RIPOR2: variants seen among roughly 807,000 people sequenced by gnomAD.
The protein encoded by RIPOR2 is RHO family interacting cell polarization regulator 2.
RIPOR2 carries 39 observed loss-of-function variants against 114.5 expected under a neutral mutation model. That is an observed-to-expected ratio of 0.34 (90% CI 0.26 to 0.44). RIPOR2 has a LOEUF of 0.44. Among genes scored for constraint, RIPOR2 ranks in the 20% least tolerant of loss-of-function variants. RIPOR2 has a pLI of 1.00. For missense variants in RIPOR2, 1,007 were observed against 1,255.1 expected (o/e 0.80, Z 2.99); for synonymous variants, 445 against 484.4 (o/e 0.92, Z 1.07).
intron 1 of RIPOR2, among the ~76,000 whole-genome samples, chr6:24,995,248 T>C (rs1774996227): frequency 6.6e-6 from 1 of 152,180 alleles, no homozygotes; most frequent in African/African-American, 2.4e-5. Flanking sequence ...ACAGAGACTT[T>C]TCCTGGGGTG....
intron 19 of RIPOR2, among the ~76,000 whole-genome samples, chr6:24,823,956 C>T (rs188012846): frequency 1.2e-3 from 184 of 152,224 alleles, no homozygotes; most frequent in Non-Finnish European, 1.5e-3. Context: ...AGGGTTTCCC[C>T]ATGTTGGCCA....
intron 11 of RIPOR2, 132 bp downstream of exon 11, chr6:24,849,670 T>G: frequency 1.2e-6 from 1 of 805,542 alleles, no homozygotes; most frequent in East Asian, 2.5e-5. Flanking sequence ...ACAGTAGTCC[T>G]GGGGTGGGGC....
chr6:24,918,862 A>T (rs1198867570), intron 1 of RIPOR2, among the ~76,000 whole-genome samples: 1 of 152,156 alleles, frequency 6.6e-6, no homozygotes, highest in Non-Finnish European at 1.5e-5. Flanking sequence ...GCTGCATGCT[A>T]AAAAGGCCTG....
At chr6:24,838,392 A>G (rs1373011491) in intron 14 of RIPOR2, among the ~76,000 whole-genome samples, 1 of 152,200 alleles carries the variant, frequency 6.6e-6, no homozygotes, top group East Asian at 1.9e-4. Context: ...GCCAGGGAGA[A>G]CCAGGCCCAA....
chr6:24,853,092 CA>C (rs1763123311), intron 8 of RIPOR2, among the ~76,000 whole-genome samples: 1 of 152,198 alleles, frequency 6.6e-6, no homozygotes. Context: ...CCAATTTACT[CA>C]TTCTGATGTT....
intron 1 of RIPOR2, among the ~76,000 whole-genome samples, chr6:24,959,966 A>C (rs1773229195): frequency 6.6e-6 from 1 of 152,218 alleles, no homozygotes; most frequent in African/African-American, 2.4e-5. Flanking sequence ...TAAATTTCCT[A>C]TAACACAGGT....
At chr6:24,950,096 G>A (rs1772672173) in intron 1 of RIPOR2, among the ~76,000 whole-genome samples, 1 of 152,172 alleles carries the variant, frequency 6.6e-6, no homozygotes, top group South Asian at 2.1e-4. Context: ...GCTATTTACA[G>A]GGTAGTATAA....
At position 24,858,415 on chromosome 6, in the gene RIPOR2, A is replaced by T. The variant is rs904409129; in HGVS notation, c.715+2558T>A. On this transcript the variant is annotated intron_variant, in intron 8 of 21. Coordinates refer to ENST00000643898, the MANE Select transcript of RIPOR2 (RefSeq NM_001286445.3). This position sits in a 1 kb window ranked among gnomAD's most constrained non-coding sequence, Gnocchi z 4.0. ...GGTTGCCAGGTCTGAGAGTATTGTGAAATAGTCTGTTTGTCAATATGTATG... is the reference window on the plus strand; with the variant it reads ...GGTTGCCAGGTCTGAGAGTATTGTGTAATAGTCTGTTTGTCAATATGTATG... Among the ~76,000 whole-genome samples the T allele has an allele frequency of 6.6e-6, 1 of 152,176 alleles. No individual in the cohort carries two copies. The highest frequency in any genetic ancestry group is 2.4e-5 in the African/African-American group (1 of 41,434).
chr6:24,828,058 C>A (rs1760339256), intron 18 of RIPOR2, 79 bp downstream of exon 18: 2 of 1,279,752 alleles, frequency 1.6e-6, no homozygotes, highest in South Asian at 3.6e-5. Context: ...GCCATCATTG[C>A]CAAAAGCCAT....
intron 1 of RIPOR2, chr6:25,015,213 C>T (rs1212185457): frequency 6.6e-6 from 1 of 152,182 alleles, no homozygotes; most frequent in Non-Finnish European, 1.5e-5. Flanking sequence ...CCTGTCTCTC[C>T]TCTAAATGCA....
At chr6:25,041,420 G>A (rs990348084) in intron 1 of RIPOR2, among the ~76,000 whole-genome samples, 1 of 152,220 alleles carries the variant, frequency 6.6e-6, no homozygotes. Flanking sequence ...ATGACTCACT[G>A]ATCCTTGAAT....
Position 24,832,255 on chromosome 6 carries a change from C to T in RIPOR2, c.2344+1G>A. Reference sequence around the variant, plus strand: ...TAGCGGTGTAACTGGCAGATACTTACCTTCCACAACAGAACTGATATTTCC... The same window carrying T: ...TAGCGGTGTAACTGGCAGATACTTATCTTCCACAACAGAACTGATATTTCC... On this transcript the variant is annotated splice_donor_variant, in intron 16 of 21. Coordinates refer to ENST00000643898, the MANE Select transcript of RIPOR2 (RefSeq NM_001286445.3). LOFTEE classifies it high-confidence loss of function. 6.4e-7 allele frequency: 1 copy of T among 1,551,582 alleles called. No individual in the cohort carries two copies. Among genetic ancestry groups the T allele is most frequent in the Non-Finnish European group, 8.7e-7 (1 of 1,146,904 alleles).
intron 1 of RIPOR2, among the ~76,000 whole-genome samples, chr6:24,904,440 G>A (rs917096077): frequency 6.6e-6 from 1 of 152,142 alleles, no homozygotes; most frequent in Non-Finnish European, 1.5e-5. Context: ...GCAGGGGAAG[G>A]TTCTCTGCTT....
chr6:25,017,171 C>T (rs1776049840), intron 1 of RIPOR2, among the ~76,000 whole-genome samples: 1 of 152,212 alleles, frequency 6.6e-6, no homozygotes, highest in African/African-American at 2.4e-5. Flanking sequence ...GAAACCCCAT[C>T]TCTACTAAAA....
intron 1 of RIPOR2, among the ~76,000 whole-genome samples, chr6:24,905,751 T>G (rs1461294677): frequency 6.6e-6 from 1 of 152,216 alleles, no homozygotes; most frequent in African/African-American, 2.4e-5. Flanking sequence ...TTTCTCCTAG[T>G]AGGAGGAGGA....
At chr6:24,809,678 G>A in intron 21 of RIPOR2, 39 bp downstream of exon 21, 2 of 1,342,432 alleles carry the variant, frequency 1.5e-6, no homozygotes, top group Non-Finnish European at 2.1e-6. Flanking sequence ...GAGAGTGCCA[G>A]AAGCAAACAA....
At chr6:24,935,016 G>C (rs1463751319) in intron 1 of RIPOR2, among the ~76,000 whole-genome samples, 1 of 152,044 alleles carries the variant, frequency 6.6e-6, no homozygotes, top group Non-Finnish European at 1.5e-5. Context: ...GAGTAAGAGA[G>C]AAGGACCCAG....
At chr6:25,022,501 C>G (rs1450501692) in intron 1 of RIPOR2, among the ~76,000 whole-genome samples, 1 of 131,654 alleles carries the variant, frequency 7.6e-6, no homozygotes, top group Non-Finnish European at 1.6e-5. Flanking sequence ...TTCTTTTTAA[C>G]GTAACACATA....
chr6:24,833,628 A>G (rs774158078), intron 15 of RIPOR2, among the ~76,000 whole-genome samples: 7 of 152,000 alleles, frequency 4.6e-5, no homozygotes, highest in Non-Finnish European at 7.4e-5. Flanking sequence ...AAATAATTGT[A>G]GTGATTATGA....
Sources: gnomAD v4.1 joint callset for allele counts (sites outside exome capture counted in the v4.1 genomes callset) on GRCh38, gnomAD v4.1.1 for gene constraint, Gnocchi (gnomAD v3.1) non-coding constraint, MANE v1.5 for transcripts, NCBI Gene and HGNC (gene_info 2026-07-23, HGNC 2026-07-21) for gene names.